The following ASTN2 variants were observed in gnomAD, a reference collection of about 807,000 sequenced individuals.
ASTN2 encodes the protein astrotactin-2.
Under a neutral mutation model 139.8 loss-of-function variants are expected in ASTN2, and 54 were observed. The ratio of observed to expected loss-of-function variants is 0.39; its 90% CI spans 0.31 to 0.48. The LOEUF is 0.48. ASTN2 is among the 20% of genes least tolerant of loss of function. ASTN2 has a pLI of 0.95. For missense variants in ASTN2, 1,565 were observed against 1,725.1 expected, an observed-to-expected ratio of 0.91 and a Z score of 1.64; for synonymous variants, 756 against 719.5, an observed-to-expected ratio of 1.05 and a Z score of -0.81.
chr9:117,171,243 T>C (rs1830786013), intron 3 of ASTN2, among the ~76,000 whole-genome samples: 1 of 152,200 alleles, frequency 6.6e-6, no homozygotes, highest in Non-Finnish European at 1.5e-5. Flanking sequence ...CTGAAACATT[T>C]GCAGGTATGC....
At position 116,462,787 on chromosome 9, in the gene ASTN2, C is replaced by CGTGTGTGTGTGTGTGTGTGTGTGT. The variant is rs1376062376; in HGVS notation, c.3498-20235_3498-20234insACACACACACACACACACACACAC. Among the ~76,000 whole-genome samples the CGTGTGTGTGTGTGTGTGTGTGTGT allele has an allele frequency of 9.0e-4, 88 of 97,632 alleles. 2 individuals carry two copies. In the East Asian group the frequency reaches 0.025, roughly 28 times the overall value. 64.1% of individuals were successfully genotyped at this position (97,632 alleles called of 152,430 possible). A position where few individuals can be genotyped will look rare whatever the true frequency, so the allele number is the denominator to read the frequency against. On this transcript the variant is annotated intron_variant, in intron 20 of 22. Coordinates refer to ENST00000313400, the MANE Select transcript of ASTN2 (RefSeq NM_001365068.1). ...TCTTTAAGGGTAAGTGTTGGGTGAG[C>CGTGTGTGTGTGTGTGTGTGTGTGT]ATGTGTGTGTGTGTGTGTGTGTGTG... is the stretch of plus-strand genomic sequence containing the variant.
At chr9:116,845,909 G>A (rs896418284) in intron 11 of ASTN2, among the ~76,000 whole-genome samples, 3 of 152,186 alleles carry the variant, frequency 2.0e-5, no homozygotes, top group African/African-American at 7.2e-5. Flanking sequence ...ATCCTAAAGA[G>A]ATATTTATAC....
intron 10 of ASTN2, among the ~76,000 whole-genome samples, chr9:116,951,473 T>C (rs1336568640): frequency 6.6e-6 from 1 of 151,688 alleles, no homozygotes; most frequent in Non-Finnish European, 1.5e-5. Flanking sequence ...TCAGTTAGGT[T>C]TGGTTTTGGC....
At chr9:116,487,299 C>G in intron 20 of ASTN2, 60 bp downstream of exon 20, 1 of 1,594,446 alleles carries the variant, frequency 6.3e-7, no homozygotes, top group Non-Finnish European at 8.6e-7. Flanking sequence ...CATGCCATTC[C>G]TCTTAGGCTT....
chr9:116,536,535 G>A (rs1851636168), intron 19 of ASTN2, among the ~76,000 whole-genome samples: 1 of 152,158 alleles, frequency 6.6e-6, no homozygotes, highest in Non-Finnish European at 1.5e-5. Context: ...TGGGGTTTTG[G>A]TGTGGATGTC....
intron 19 of ASTN2, among the ~76,000 whole-genome samples, chr9:116,548,162 G>C (rs747300788): frequency 8.5e-5 from 13 of 152,218 alleles, no homozygotes; most frequent in Non-Finnish European, 1.6e-4. Context: ...TGGCTTAATG[G>C]GGCTGTGTCT....
At chr9:116,987,111 A>G (rs1836709015) in intron 7 of ASTN2, among the ~76,000 whole-genome samples, 2 of 152,232 alleles carry the variant, frequency 1.3e-5, no homozygotes, top group Non-Finnish European at 2.9e-5. Flanking sequence ...CACTGTGGAT[A>G]GTACTGAACC....
At chr9:117,296,404 C>T (rs763534346) in intron 1 of ASTN2, among the ~76,000 whole-genome samples, 15 of 151,480 alleles carry the variant, frequency 9.9e-5, no homozygotes, top group Non-Finnish European at 1.9e-4. Flanking sequence ...CAGTAGAGTA[C>T]ACTTGGTCAG....
At chr9:116,597,934 T>C (rs2131747113) in intron 19 of ASTN2, among the ~76,000 whole-genome samples, 1 of 152,324 alleles carries the variant, frequency 6.6e-6, no homozygotes, top group Middle Eastern at 3.4e-3. Flanking sequence ...AAAGGTGAGC[T>C]GGAGACAAAC....
chr9:117,144,643 G>A (rs1830148865), intron 3 of ASTN2, among the ~76,000 whole-genome samples: 1 of 138,628 alleles, frequency 7.2e-6, no homozygotes, highest in South Asian at 2.4e-4. Context: ...GATGACATTT[G>A]AGAGGAGTGA....
intron 4 of ASTN2, among the ~76,000 whole-genome samples, chr9:117,107,632 C>A (rs1345046581): frequency 6.6e-6 from 1 of 152,144 alleles, no homozygotes; most frequent in Non-Finnish European, 1.5e-5. Flanking sequence ...TGTGATCTGA[C>A]CCGCATAGAG....
intron 16 of ASTN2, among the ~76,000 whole-genome samples, chr9:116,679,299 A>C (rs910518167): frequency 6.6e-6 from 1 of 152,124 alleles, no homozygotes; most frequent in Non-Finnish European, 1.5e-5. Context: ...TTCTAGCCTA[A>C]TCTTTTAGAT....
At chr9:116,890,751 A>G (rs1240618872) in intron 10 of ASTN2, among the ~76,000 whole-genome samples, 1 of 152,062 alleles carries the variant, frequency 6.6e-6, no homozygotes, top group Non-Finnish European at 1.5e-5. Flanking sequence ...AGCTTCTAAT[A>G]TTATCTCATT....
At chr9:117,306,530 CT>C (rs1275676995) in intron 1 of ASTN2, among the ~76,000 whole-genome samples, 9 of 152,140 alleles carry the variant, frequency 5.9e-5, no homozygotes, top group African/African-American at 2.2e-4. Context: ...CTTTTCTCAC[CT>C]GTAAAATGGG....
chr9:116,684,641 T>C (rs909830718), intron 16 of ASTN2, among the ~76,000 whole-genome samples: 1 of 152,206 alleles, frequency 6.6e-6, no homozygotes, highest in African/African-American at 2.4e-5. Context: ...CAGACCTGCA[T>C]GAGTCGCTCA....
At chr9:116,476,372 C>G (rs1848982010) in intron 20 of ASTN2, among the ~76,000 whole-genome samples, 1 of 152,180 alleles carries the variant, frequency 6.6e-6, no homozygotes, top group South Asian at 2.1e-4. Context: ...GTGAATTTTT[C>G]AAGGACACTG....
intron 10 of ASTN2, among the ~76,000 whole-genome samples, chr9:116,892,457 C>G (rs948050736): frequency 2.0e-5 from 3 of 152,008 alleles, no homozygotes; most frequent in African/African-American, 7.3e-5. Context: ...GAATTGTTGA[C>G]CTGGCTGGTG....
chr9:116,968,715 A>G (rs1836089870), intron 10 of ASTN2, among the ~76,000 whole-genome samples: 1 of 151,734 alleles, frequency 6.6e-6, no homozygotes, highest in African/African-American at 2.4e-5. Flanking sequence ...CCTGGCCAAG[A>G]TGGTGAAACC....
chr9:117,103,336 C>T (rs10122000), intron 4 of ASTN2, among the ~76,000 whole-genome samples: 1 of 152,098 alleles, frequency 6.6e-6, no homozygotes, highest in Non-Finnish European at 1.5e-5. Flanking sequence ...CTCAATTTTG[C>T]TGCTAAATAA....
Sources: gnomAD v4.1 joint callset for allele counts (sites outside exome capture counted in the v4.1 genomes callset) on GRCh38, gnomAD v4.1.1 for gene constraint, MANE v1.5 for transcripts, NCBI Gene and HGNC (gene_info 2026-07-23, HGNC 2026-07-21) for gene names.